STK39: variants seen among roughly 807,000 people sequenced by gnomAD.
STK39 encodes STE20/SPS1-related proline-alanine-rich protein kinase.
In STK39, 20 loss-of-function variants were observed where a neutral mutation model predicts 77.8. The ratio of observed to expected loss-of-function variants is 0.26; its 90% CI spans 0.18 to 0.37. The LOEUF is 0.37. STK39 is among the 10% of genes least tolerant of loss of function. The pLI is 1.00. For synonymous variants in STK39, 246 were observed against 234.1 expected (o/e 1.05, Z -0.47); for missense variants, 479 against 656.5 (o/e 0.73, Z 2.95).
rs376136352 is a variant in STK39 at position 168,163,844 on chromosome 2, C to A, written c.467G>T (p.Arg156Leu). 1 of 1,613,928 alleles carries A rather than the reference C, an allele frequency of 6.2e-7. No individual in the cohort carries two copies. The highest frequency in any genetic ancestry group is 1.7e-5 in the Admixed American group (1 of 59,998). ...CAGAACTCCATTCTTGTGTTCTCCT[C>A]GGTTGACAATGTATTTTATGATATC... The part of the protein sequence containing the change: ...MLDIIKYIVN[R>L]GEHKNGVLEE... The change falls in exon 4 of 18, where the codon CGA becomes CTA. Residue 156 changes from arginine to leucine, a missense_variant. Arg to Leu is a moderately radical substitution (Grantham distance 102). Around this residue, in one of 3 missense-constraint regions of STK39, gnomAD observed 139 missense variants for 280.6 expected, o/e 0.50. Transcript: ENST00000355999.
intron 14 of STK39, among the ~76,000 whole-genome samples, chr2:168,035,869 T>C (rs1353024297): frequency 6.6e-6 from 1 of 152,158 alleles, no homozygotes; most frequent in Admixed American, 6.5e-5. Flanking sequence ...CATCACACCC[T>C]GCCACTCTCC....
At chr2:168,224,233 TAGAG>T (rs1475627568) in intron 1 of STK39, among the ~76,000 whole-genome samples, 2 of 152,098 alleles carry the variant, frequency 1.3e-5, no homozygotes, top group East Asian at 3.8e-4. Flanking sequence ...ATCGCTTTCT[TAGAG>T]CACTGTTATG....
intron 16 of STK39, among the ~76,000 whole-genome samples, chr2:167,970,220 C>G (rs1358860799): frequency 6.6e-6 from 1 of 152,154 alleles, no homozygotes; most frequent in East Asian, 1.9e-4. Flanking sequence ...ACCTGATATG[C>G]TATATATATT....
intron 10 of STK39, among the ~76,000 whole-genome samples, chr2:168,106,607 C>T (rs1686981069): frequency 6.6e-6 from 1 of 152,074 alleles, no homozygotes; most frequent in African/African-American, 2.4e-5. Context: ...ATCGCTTGAG[C>T]TCAGTAGTTG....
At chr2:168,004,498 C>A (rs555660647) in intron 16 of STK39, among the ~76,000 whole-genome samples, 1 of 151,836 alleles carries the variant, frequency 6.6e-6, no homozygotes, top group African/African-American at 2.4e-5. Flanking sequence ...TTTGGGAGGC[C>A]GAGGCAGGCG....
chr2:168,149,398 G>A (rs114755431), intron 5 of STK39, among the ~76,000 whole-genome samples: 4 of 152,352 alleles, frequency 2.6e-5, no homozygotes, highest in East Asian at 1.9e-4. Flanking sequence ...CCCACTGGCA[G>A]TGCAGAAGTG....
At chr2:168,175,441 G>T (rs1205716723) in intron 2 of STK39, among the ~76,000 whole-genome samples, 1 of 151,908 alleles carries the variant, frequency 6.6e-6, no homozygotes, top group African/African-American at 2.4e-5. Context: ...AGCATGAGAG[G>T]TTAGACATTT....
At chr2:168,194,221 C>T (rs1199093286) in intron 1 of STK39, among the ~76,000 whole-genome samples, 1 of 152,048 alleles carries the variant, frequency 6.6e-6, no homozygotes, top group Non-Finnish European at 1.5e-5. Context: ...CAAGACCAGC[C>T]TGGCCAATAC....
chr2:168,176,696 A>T (rs1311453521), intron 2 of STK39, among the ~76,000 whole-genome samples: 2 of 152,224 alleles, frequency 1.3e-5, no homozygotes, highest in Non-Finnish European at 2.9e-5. Flanking sequence ...AAGATGATAC[A>T]GGAAGAAAAA....
chr2:168,231,775 G>C (rs1690461772), intron 1 of STK39: 1 of 195,040 alleles, frequency 5.1e-6, no homozygotes, highest in Admixed American at 4.8e-5. Context: ...TGGGTGAAGG[G>C]AGAGGAGGGG....
At chr2:168,034,139 T>C (rs1008146129) in intron 14 of STK39, among the ~76,000 whole-genome samples, 2 of 151,956 alleles carry the variant, frequency 1.3e-5, no homozygotes, top group African/African-American at 4.8e-5. Context: ...ATAACAAGAT[T>C]TGGGGGAGGC....
At chr2:168,141,556 C>G (rs1687985758) in intron 5 of STK39, among the ~76,000 whole-genome samples, 1 of 152,144 alleles carries the variant, frequency 6.6e-6, no homozygotes, top group African/African-American at 2.4e-5. Flanking sequence ...ACGTACTATT[C>G]TTGCTTTCAT....
chr2:168,110,507 G>A (rs745948222), intron 10 of STK39, among the ~76,000 whole-genome samples: 4 of 152,150 alleles, frequency 2.6e-5, no homozygotes, highest in Admixed American at 6.6e-5. Context: ...CAAAGTGCTA[G>A]GACTAAAGGC....
chr2:168,151,578 C>G (rs947843396), intron 5 of STK39, among the ~76,000 whole-genome samples: 1 of 151,688 alleles, frequency 6.6e-6, no homozygotes, highest in African/African-American at 2.4e-5. Context: ...CTACTAAAAA[C>G]ACAAAAAATT....
In STK39 at chr2:168,247,534, GCCCTCC is replaced by G; in HGVS notation, c.-105_-100del. On this transcript the variant is annotated 5_prime_UTR_variant, in exon 1 of 18. Coordinates refer to ENST00000355999, the MANE Select transcript of STK39 (RefSeq NM_013233.3). ...CGCCGACACCTCTCGGCCGGCGCAC[GCCCTCC>G]CCGCCCGCCGCCGCCGCCGCCGTCC... is the stretch of plus-strand genomic sequence containing the variant. 1 of 474,744 alleles carries G rather than the reference GCCCTCC, an allele frequency of 2.1e-6. No homozygotes were observed. The highest frequency in any genetic ancestry group is 2.7e-6 in the Non-Finnish European group (1 of 368,956). The allele number at this position is 474,744 out of a possible 1,614,324, so 29.4% of individuals were successfully genotyped here.
chr2:168,129,857 C>A, intron 8 of STK39, 99 bp from the exon 9 acceptor site: 3 of 1,345,898 alleles, frequency 2.2e-6, no homozygotes, highest in Non-Finnish European at 3.2e-6. Context: ...TCTGGAAGAC[C>A]AATTTTAGTA....
At chr2:168,005,088 C>A (rs540355690) in intron 16 of STK39, among the ~76,000 whole-genome samples, 2 of 147,326 alleles carry the variant, frequency 1.4e-5, no homozygotes, top group Non-Finnish European at 3.0e-5. Context: ...TCACTGCAAC[C>A]TCTGCCTCCC....
rs1237532115 is a variant in STK39, at chr2:168,247,068, A to T, written c.208+160T>A. On this transcript the variant is annotated intron_variant, in intron 1 of 17. Transcript: ENST00000355999. The stretch of plus-strand genomic sequence containing the variant: ...AACAAATACATTAAAAATTAAAAAA[A>T]AAAAAAAAAAAAAAAAAAAAACTGT... Among the ~76,000 whole-genome samples the T allele has an allele frequency of 4.5e-5, 6 of 132,412 alleles. No individual in the cohort carries two copies. In the South Asian group the frequency reaches 7.2e-4, roughly 16 times the overall value. The allele number at this position is 132,412 out of a possible 152,430, so 86.9% of individuals were successfully genotyped here.
At chr2:168,045,355 C>G (rs1478915859) in intron 14 of STK39, among the ~76,000 whole-genome samples, 2 of 151,992 alleles carry the variant, frequency 1.3e-5, no homozygotes, top group Non-Finnish European at 2.9e-5. Context: ...CTGCCTCACC[C>G]ACCCCCACAC....
Sources: gnomAD v4.1 joint callset for allele counts (sites outside exome capture counted in the v4.1 genomes callset) on GRCh38, gnomAD v4.1.1 for gene constraint, gnomAD v4.1.1 regional missense constraint, MANE v1.5 for transcripts, NCBI Gene and HGNC (gene_info 2026-07-23, HGNC 2026-07-21) for gene names.